PRKN: variants seen among roughly 807,000 people sequenced by gnomAD.
PRKN encodes the protein E3 ubiquitin-protein ligase parkin.
Under a neutral mutation model 59.5 loss-of-function variants are expected in PRKN, and 56 were observed. The observed-to-expected ratio is 0.94, with a 90% CI of 0.76 to 1.18. The LOEUF (loss-of-function observed/expected upper bound fraction) is 1.18, where lower values mean the gene tolerates loss of function less well. Among genes scored for constraint, PRKN ranks in the 50% most tolerant of loss-of-function variants. PRKN has a pLI of 0.00. For synonymous variants in PRKN, 250 were observed against 222.1 expected (o/e 1.13, Z -1.12); for missense variants, 657 against 596.4 (o/e 1.10, Z -1.06).
intron 1 of PRKN, among the ~76,000 whole-genome samples, chr6:162,575,542 A>G (rs1691072343): frequency 7.0e-6 from 1 of 143,560 alleles, no homozygotes; most frequent in South Asian, 2.2e-4. Context: ...TTGACCCCCT[A>G]GCTCCCAGGA....
intron 6 of PRKN, among the ~76,000 whole-genome samples, chr6:161,827,275 T>A (rs371569257): frequency 6.6e-5 from 10 of 152,154 alleles, no homozygotes; most frequent in African/African-American, 2.4e-4. Flanking sequence ...GTTGTTTTCC[T>A]CTCAGATCAG....
intron 2 of PRKN, among the ~76,000 whole-genome samples, chr6:162,332,185 G>A (rs1186118989): frequency 6.6e-6 from 1 of 152,126 alleles, no homozygotes; most frequent in Non-Finnish European, 1.5e-5. Context: ...TCACATACAA[G>A]ATTTCACATA....
chr6:161,800,935 G>A (rs560072051), intron 6 of PRKN, among the ~76,000 whole-genome samples: 1 of 152,208 alleles, frequency 6.6e-6, no homozygotes, highest in South Asian at 2.1e-4. Flanking sequence ...TGGAGGGCAG[G>A]GCCCACTCCT....
intron 6 of PRKN, among the ~76,000 whole-genome samples, chr6:161,950,415 A>G (rs1462827723): frequency 6.6e-6 from 1 of 152,076 alleles, no homozygotes; most frequent in African/African-American, 2.4e-5. Flanking sequence ...CGTGGTGGTA[A>G]GCACCTGTAT....
chr6:161,877,843 G>A (rs891585598), intron 6 of PRKN, among the ~76,000 whole-genome samples: 1 of 152,122 alleles, frequency 6.6e-6, no homozygotes, highest in African/African-American at 2.4e-5. Flanking sequence ...CAGTTGCTAG[G>A]ATGGCATGTG....
chr6:161,929,197 C>T (rs991974892), intron 6 of PRKN, among the ~76,000 whole-genome samples: 15 of 152,066 alleles, frequency 9.9e-5, no homozygotes, highest in African/African-American at 2.9e-4. Flanking sequence ...AAACATTATG[C>T]TAAATGAAAA....
chr6:162,394,525 A>G (rs974463744), intron 2 of PRKN, among the ~76,000 whole-genome samples: 1 of 152,172 alleles, frequency 6.6e-6, no homozygotes, highest in African/African-American at 2.4e-5. Flanking sequence ...TTTTTTCCTT[A>G]TCAAGGTAAT....
intron 4 of PRKN, among the ~76,000 whole-genome samples, chr6:162,182,742 T>C (rs1783851438): frequency 6.6e-6 from 1 of 152,224 alleles, no homozygotes; most frequent in Non-Finnish European, 1.5e-5. Flanking sequence ...TATTGCCCTT[T>C]TTACAAATTG....
chr6:162,702,066 G>A (rs1316301247), intron 1 of PRKN, among the ~76,000 whole-genome samples: 1 of 151,998 alleles, frequency 6.6e-6, no homozygotes, highest in African/African-American at 2.4e-5. Flanking sequence ...CCTTTAAATT[G>A]ATATGTCTTT....
Position 161,413,415 on chromosome 6 carries a change from G to T in PRKN, c.1084-26538C>A, listed in dbSNP as rs911283840. ...GAATGACAGCTGCAGCAGGTCGCCAGTGCATCAACACAGAGTAACCGAATA... is the reference window on the plus strand; with the variant it reads ...GAATGACAGCTGCAGCAGGTCGCCATTGCATCAACACAGAGTAACCGAATA... On this transcript the variant is annotated intron_variant, in intron 9 of 11. Coordinates refer to ENST00000366898, the MANE Select transcript of PRKN (RefSeq NM_004562.3). This position sits in a 1 kb window ranked among gnomAD's most constrained non-coding sequence, Gnocchi z 4.4. Among the ~76,000 whole-genome samples the T allele has an allele frequency of 6.6e-6, 1 of 152,224 alleles. No homozygotes were observed. The highest frequency in any genetic ancestry group is 2.4e-5 in the African/African-American group (1 of 41,448).
chr6:161,613,152 A>G (rs1782550483), intron 7 of PRKN, among the ~76,000 whole-genome samples: 1 of 152,222 alleles, frequency 6.6e-6, no homozygotes, highest in Non-Finnish European at 1.5e-5. Context: ...TAGAAGGTCA[A>G]AATATCAACA....
Position 161,498,071 on chromosome 6 carries a change from T to C in PRKN, c.1083+50783A>G, listed in dbSNP as rs182582966. ...TGGGAGGACTCACAAGCACTGAGAC[T>C]GGCTTTTTTCATTAGTTATTTATAA... is the stretch of plus-strand genomic sequence containing the variant. On this transcript the variant is annotated intron_variant, in intron 9 of 11. Transcript: ENST00000366898. This position sits in a 1 kb window ranked among gnomAD's most constrained non-coding sequence, Gnocchi z 4.2. Among the ~76,000 whole-genome samples, 30 of 152,318 alleles carry C rather than the reference T, an allele frequency of 2.0e-4. No homozygotes were observed. The Middle Eastern group carries it at 0.01, about 52-fold the overall frequency.
Position 161,555,812 on chromosome 6 carries a change from A to G in PRKN, c.934-6809T>C, listed in dbSNP as rs533505943. ...GTCAATAGTTTGTGGACAGTAAATA[A>G]TTATAAATTAATAAAATCTAACTCC... On this transcript the variant is annotated intron_variant, in intron 8 of 11. Transcript: ENST00000366898. 1.5e-4 allele frequency among the ~76,000 whole-genome samples: 23 copies of G among 152,328 alleles called. 1 individual carries two copies. In the South Asian group the frequency reaches 4.8e-3, roughly 32 times the overall value.
chr6:162,706,866 A>G (rs1392863176), intron 1 of PRKN, among the ~76,000 whole-genome samples: 1 of 152,074 alleles, frequency 6.6e-6, no homozygotes, highest in African/African-American at 2.4e-5. Context: ...GCTAAATGTT[A>G]TATTGGTCTA....
chr6:161,890,141 TC>T (rs1168058461), intron 6 of PRKN, among the ~76,000 whole-genome samples: 5 of 152,240 alleles, frequency 3.3e-5, no homozygotes, highest in Non-Finnish European at 5.9e-5. Context: ...TTCATTCAAA[TC>T]CTATGAAAAT....
At chr6:161,788,524 T>C (rs966317418) in intron 6 of PRKN, among the ~76,000 whole-genome samples, 2 of 152,180 alleles carry the variant, frequency 1.3e-5, no homozygotes, top group Non-Finnish European at 2.9e-5. Flanking sequence ...AGAGTCCTAC[T>C]GAAAACTAAG....
intron 1 of PRKN, among the ~76,000 whole-genome samples, chr6:162,457,610 A>G (rs1790940976): frequency 6.6e-6 from 1 of 151,212 alleles, no homozygotes; most frequent in South Asian, 2.1e-4. Context: ...ACAAACAAAG[A>G]AATAAAAACT....
In PRKN at chr6:161,561,924, C is replaced by T. The variant is rs539157105; in HGVS notation, c.933+7431G>A. ...TCTTTACGCATCCCCCAAAACTGCT[C>T]ATTATGGTCATTCGTGACTTTTGCC... On this transcript the variant is annotated intron_variant, in intron 8 of 11. Transcript: ENST00000366898. The surrounding 1 kb of genome is among the most constrained non-coding windows in gnomAD (Gnocchi z 5.0). Among the ~76,000 whole-genome samples the T allele has an allele frequency of 2.0e-5, 3 of 152,324 alleles. No homozygotes were observed. In the South Asian group the frequency reaches 6.2e-4, roughly 32 times the overall value.
chr6:161,585,239 TA>T (rs1781479879), intron 7 of PRKN, among the ~76,000 whole-genome samples: 1 of 152,226 alleles, frequency 6.6e-6, no homozygotes, highest in Non-Finnish European at 1.5e-5. Flanking sequence ...ATCTATGTGC[TA>T]CACATTGTAC....
Sources: gnomAD v4.1 joint callset for allele counts (sites outside exome capture counted in the v4.1 genomes callset) on GRCh38, gnomAD v4.1.1 for gene constraint, Gnocchi (gnomAD v3.1) non-coding constraint, MANE v1.5 for transcripts, NCBI Gene and HGNC (gene_info 2026-07-23, HGNC 2026-07-21) for gene names.